The following HHLA2 variants were observed in gnomAD, a reference collection of about 807,000 sequenced individuals.
The protein encoded by HHLA2 is HHLA2 member of B7 family.
Under a neutral mutation model 45.9 loss-of-function variants are expected in HHLA2, and 48 were observed. That is an observed-to-expected ratio of 1.05 (90% CI 0.83 to 1.33). The LOEUF (loss-of-function observed/expected upper bound fraction) is 1.33, where lower values mean the gene tolerates loss of function less well. Ranked by LOEUF, HHLA2 falls within the 40% of genes most tolerant of loss-of-function variation. The pLI, the probability that HHLA2 is intolerant of heterozygous loss-of-function variation, is 0.00. For missense variants in HHLA2, 462 were observed against 494.3 expected, an observed-to-expected ratio of 0.93 and a Z score of 0.62; for synonymous variants, 161 against 173.9, an observed-to-expected ratio of 0.93 and a Z score of 0.59.
At chr3:108,309,955 T>C (rs1235170586) in intron 1 of HHLA2, among the ~76,000 whole-genome samples, 2 of 152,166 alleles carry the variant, frequency 1.3e-5, no homozygotes, top group African/African-American at 4.8e-5. Context: ...TTATGCACAT[T>C]AGTGGATTAT....
chr3:108,313,253 G>T (rs774493549), intron 2 of HHLA2, among the ~76,000 whole-genome samples: 1 of 152,078 alleles, frequency 6.6e-6, no homozygotes, highest in Non-Finnish European at 1.5e-5. Flanking sequence ...TTTGGAAAAA[G>T]GCTGGTGTGG....
chr3:108,356,638 T>A (rs2107468242), intron 6 of HHLA2, among the ~76,000 whole-genome samples: 1 of 152,342 alleles, frequency 6.6e-6, no homozygotes, highest in Admixed American at 6.5e-5. Context: ...TCATTTAGAA[T>A]TGAGTGTCTT....
At chr3:108,371,990 C>T (rs1220503016) in intron 8 of HHLA2, among the ~76,000 whole-genome samples, 2 of 152,226 alleles carry the variant, frequency 1.3e-5, no homozygotes, top group African/African-American at 4.8e-5. Flanking sequence ...CAGACATCTA[C>T]AGAACTCTCC....
At position 108,337,072 on chromosome 3, in the gene HHLA2, G is replaced by A. The variant is rs116662625; in HGVS notation, c.-27+8725G>A. Among the ~76,000 whole-genome samples, 798 of 152,224 alleles carry A rather than the reference G, an allele frequency of 5.2e-3. 2 individuals are homozygous for A. The highest frequency in any genetic ancestry group is 0.018 in the African/African-American group (734 of 41,536). ...ATTTCCAAGAGTAGTACTATTCAAA[G>A]TGGGGGGTCTGCAGACTGATGCTGG... On this transcript the variant is annotated intron_variant, in intron 3 of 10. Coordinates refer to ENST00000619531, the Ensembl canonical transcript of HHLA2.
chr3:108,330,510 A>G (rs1391427944), intron 3 of HHLA2, among the ~76,000 whole-genome samples: 4 of 152,216 alleles, frequency 2.6e-5, no homozygotes, highest in Admixed American at 6.5e-5. Flanking sequence ...GTTAACCACA[A>G]AAGAGATTAT....
intron 2 of HHLA2, among the ~76,000 whole-genome samples, chr3:108,323,041 C>T (rs1323545572): frequency 2.0e-5 from 3 of 150,492 alleles, no homozygotes; most frequent in African/African-American, 7.4e-5. Flanking sequence ...TTTTTGCTGA[C>T]TTTTTTGTTT....
At chr3:108,330,759 A>C (rs1473123449) in intron 3 of HHLA2, among the ~76,000 whole-genome samples, 1 of 152,188 alleles carries the variant, frequency 6.6e-6, no homozygotes, top group African/African-American at 2.4e-5. Flanking sequence ...GCTGGACGGC[A>C]GCCTGGTAAA....
At chr3:108,351,808 C>T (rs772133255) in exon 4 of HHLA2, 1 of 1,611,858 alleles carries the variant, frequency 6.2e-7, no homozygotes, top group Non-Finnish European at 8.5e-7. Context: ...ATGTTCTGCA[C>T]AAGACATGAA....
intron 10 of HHLA2, 79 bp downstream of exon 9, chr3:108,376,636 T>A (rs1454462736): frequency 2.4e-6 from 3 of 1,235,910 alleles, no homozygotes; most frequent in Non-Finnish European, 2.3e-6. Flanking sequence ...TTCTGACTGA[T>A]TCACATATCA....
At chr3:108,314,953 T>C (rs1304983216) in intron 2 of HHLA2, among the ~76,000 whole-genome samples, 1 of 152,174 alleles carries the variant, frequency 6.6e-6, no homozygotes, top group African/African-American at 2.4e-5. Flanking sequence ...TGGGATTTTT[T>C]CCCCTACTTA....
chr3:108,308,324 G>A lies in HHLA2; in HGVS notation c.-191-2331G>A, dbSNP rs754884114. ...AATAATCTCCAGCTCCATCCATGTCGTTGCAACTAATTGGATCTCATTCTT... is the reference window on the plus strand; with the variant it reads ...AATAATCTCCAGCTCCATCCATGTCATTGCAACTAATTGGATCTCATTCTT... On this transcript the variant is annotated intron_variant, in intron 1 of 10. Coordinates refer to ENST00000619531, the Ensembl canonical transcript of HHLA2. Among the ~76,000 whole-genome samples the A allele has an allele frequency of 7.4e-4, 112 of 152,136 alleles. 1 individual carries two copies. Among genetic ancestry groups the A allele is most frequent in the African/African-American group, 3.1e-4 (13 of 41,424 alleles).
At chr3:108,301,128 C>G (rs1020199794) in intron 1 of HHLA2, among the ~76,000 whole-genome samples, 1 of 152,120 alleles carries the variant, frequency 6.6e-6, no homozygotes, top group East Asian at 1.9e-4. Context: ...GTGAGGAGAC[C>G]TAGGCCCTCC....
intron 3 of HHLA2, among the ~76,000 whole-genome samples, chr3:108,343,141 C>T (rs1317333333): frequency 6.6e-6 from 1 of 152,098 alleles, no homozygotes; most frequent in Non-Finnish European, 1.5e-5. Context: ...ATGACCTAGT[C>T]CTGTTTCCTA....
chr3:108,374,093 A>G (rs1411433214), intron 8 of HHLA2, among the ~76,000 whole-genome samples: 1 of 151,654 alleles, frequency 6.6e-6, no homozygotes, highest in Non-Finnish European at 1.5e-5. Flanking sequence ...ACAAGGCTAC[A>G]GTAACCAAAA....
intron 2 of HHLA2, among the ~76,000 whole-genome samples, chr3:108,324,288 A>G (rs944152541): frequency 8.5e-5 from 13 of 152,210 alleles, no homozygotes; most frequent in Admixed American, 4.6e-4. Context: ...AAGCATATAT[A>G]TGAATATGTA....
At chr3:108,311,741 A>C (rs2081021381) in intron 2 of HHLA2, 1 of 152,164 alleles carries the variant, frequency 6.6e-6, no homozygotes, top group African/African-American at 2.4e-5. Flanking sequence ...CATAGATTTG[A>C]TTACTTCTAT....
rs1039979198 is a variant in HHLA2 at position 108,376,514 on chromosome 3, G to T, written c.1181G>T (p.Gly394Val). 3 of 1,609,608 alleles carry T rather than the reference G, an allele frequency of 1.9e-6. No individual in the cohort carries two copies. The highest frequency in any genetic ancestry group is 2.7e-5 in the African/African-American group (2 of 74,568). ...GTAGAAAGATGTTGTGTCCCTCCTG[G>T]TGAGCGCTGTCCCAGTGCACCCGAT... Residue 394 changes from glycine (G) to valine (V), a missense_variant, in exon 10 of 11, where the codon GGT becomes GTT. By Grantham distance (109) the Gly-to-Val change is moderately radical. Transcript: ENST00000619531.
intron 4 of HHLA2, 118 bp from the exon 4 acceptor site, chr3:108,353,309 G>A: frequency 1.6e-6 from 1 of 614,430 alleles, no homozygotes; most frequent in Non-Finnish European, 2.8e-6. Context: ...TTTTGATTAT[G>A]TGGTCTACTA....
chr3:108,315,283 TC>T (rs138055049), intron 2 of HHLA2, among the ~76,000 whole-genome samples: 100 of 152,280 alleles, frequency 6.6e-4, no homozygotes, highest in African/African-American at 2.3e-3. Context: ...GACAAGAACT[TC>T]AGCTATCAGA....
Sources: allele counts gnomAD v4.1 joint callset (sites outside exome capture counted in the v4.1 genomes callset), GRCh38; gene constraint gnomAD v4.1.1; transcripts MANE v1.5; gene names NCBI Gene and HGNC (gene_info 2026-07-23, HGNC 2026-07-21).